The following NOTCH2 variants were observed in gnomAD, a reference collection of about 807,000 sequenced individuals.
NOTCH2 encodes the protein neurogenic locus notch homolog protein 2.
NOTCH2 carries 29 observed loss-of-function variants against 235.8 expected under a neutral mutation model. The observed-to-expected ratio is 0.12, with a 90% CI of 0.09 to 0.17. The LOEUF (loss-of-function observed/expected upper bound fraction) is 0.17. NOTCH2 is among the 10% of genes least tolerant of loss of function. NOTCH2 has a pLI of 1.00. For missense variants in NOTCH2, 2,285 were observed against 3,150.2 expected (o/e 0.73, Z 6.57); for synonymous variants, 1,086 against 1,141.5 (o/e 0.95, Z 0.98).
At chr1:119,950,650 G>T in intron 15 of NOTCH2, 74 bp downstream of exon 15, 1 of 905,796 alleles carries the variant, frequency 1.1e-6, no homozygotes. Context: ...ACAGACCTGG[G>T]CACTGAGACT....
At chr1:119,957,440 T>A (rs1650747508) in intron 12 of NOTCH2, among the ~76,000 whole-genome samples, 1 of 152,138 alleles carries the variant, frequency 6.6e-6, no homozygotes, top group African/African-American at 2.4e-5. Context: ...TAACTTAGTA[T>A]TAAAACAAAA....
intron 5 of NOTCH2, among the ~76,000 whole-genome samples, chr1:119,977,413 G>T (rs1041857847): frequency 5.3e-5 from 8 of 152,074 alleles, no homozygotes; most frequent in Non-Finnish European, 1.2e-4. Flanking sequence ...CTTCAACTAC[G>T]CCTCAAGGGC....
At position 119,916,079 on chromosome 1, in the gene NOTCH2, T is replaced by C. The variant is rs1242882244; in HGVS notation, c.6643A>G (p.Ser2215Gly). The C allele has an allele frequency of 1.2e-6, 2 of 1,613,890 alleles. No homozygotes were observed. The highest frequency in any genetic ancestry group is 1.7e-6 in the Non-Finnish European group (2 of 1,180,036). Residue 2215 changes from serine to glycine, a missense_variant, in exon 34 of 34, where the codon AGC becomes GGC. Physicochemically the swap from Ser to Gly is moderately conservative, Grantham distance 56. This residue lies in a region of NOTCH2 where 504 missense variants were observed against 538.0 expected (regional missense o/e 0.94). Coordinates refer to ENST00000256646, the MANE Select transcript of NOTCH2 (RefSeq NM_024408.4). ...TGGCTCACTGAGGGAAGCACAGTGC[T>C]GGCCCCATGTGCCAAAGGCTGCATT... ...HEMQPLAHGA[S>G]TVLPSVSQLL...
At chr1:119,936,629 G>C (rs1473106899) in intron 21 of NOTCH2, among the ~76,000 whole-genome samples, 1 of 152,150 alleles carries the variant, frequency 6.6e-6, no homozygotes, top group Non-Finnish European at 1.5e-5. Flanking sequence ...AGAAGCTATC[G>C]TTGGCTCATT....
intron 10 of NOTCH2, 139 bp from the exon 11 acceptor site, chr1:119,963,946 C>T (rs1236287972): frequency 3.9e-5 from 29 of 749,950 alleles, no homozygotes; most frequent in South Asian, 2.4e-4. Flanking sequence ...CAGTAGAAAA[C>T]GACGATCTGC....
chr1:119,916,700 G>GA lies in NOTCH2; in HGVS notation c.6028-7dup. On this transcript the variant is annotated splice_polypyrimidine_tract_variant and splice_region_variant and intron_variant, in intron 33 of 33. Transcript: ENST00000256646. Reference sequence around the variant, plus strand: ...AGAAACAGAGGTGTCTCTTCCTACAGAAAAGGCCCATCACAGAACACATGT... The same window carrying GA: ...AGAAACAGAGGTGTCTCTTCCTACAGAAAAAGGCCCATCACAGAACACATGT... The GA allele has an allele frequency of 3.7e-6, 6 of 1,614,008 alleles. No individual in the cohort carries two copies. Among genetic ancestry groups the GA allele is most frequent in the Non-Finnish European group, 5.1e-6 (6 of 1,179,980 alleles).
At chr1:119,993,278 C>CA (rs1249557381) in intron 4 of NOTCH2, 4 of 43,014 alleles carry the variant, frequency 9.3e-5, no homozygotes, top group Non-Finnish European at 1.4e-4. Flanking sequence ...GTTACTTATC[C>CA]AAAAAGATGA....
At chr1:120,027,080 T>C (rs1169866307) in intron 2 of NOTCH2, among the ~76,000 whole-genome samples, 2 of 147,310 alleles carry the variant, frequency 1.4e-5, no homozygotes, top group Non-Finnish European at 3.0e-5. Flanking sequence ...GCCTCCCGAG[T>C]AACTGGGATT....
intron 9 of NOTCH2, among the ~76,000 whole-genome samples, chr1:119,966,082 C>T (rs1236741636): frequency 2.6e-5 from 4 of 152,114 alleles, no homozygotes; most frequent in African/African-American, 7.2e-5. Flanking sequence ...AATAAAATCC[C>T]GAATAGCCTA....
intron 5 of NOTCH2, among the ~76,000 whole-genome samples, chr1:119,977,178 A>C (rs1651616284): frequency 6.6e-6 from 1 of 152,098 alleles, no homozygotes; most frequent in African/African-American, 2.4e-5. Context: ...TATCTGCTTA[A>C]GGTTCTCTTA....
At chr1:119,975,644 C>CAAA (rs11316344) in intron 5 of NOTCH2, among the ~76,000 whole-genome samples, 1 of 99,742 alleles carries the variant, frequency 1.0e-5, no homozygotes, top group Non-Finnish European at 2.1e-5. Context: ...GACTCCATCT[C>CAAA]AAAAAAAAAA....
At chr1:119,967,329 C>T (rs1553199797) in intron 8 of NOTCH2, 104 bp downstream of exon 8, 5 of 1,057,578 alleles carry the variant, frequency 4.7e-6, no homozygotes. Flanking sequence ...AAATCAAATG[C>T]TGACAGAGCT....
intron 2 of NOTCH2, among the ~76,000 whole-genome samples, chr1:120,027,258 TG>T (rs1653893872): frequency 7.2e-6 from 1 of 138,972 alleles, no homozygotes; most frequent in African/African-American, 2.7e-5. Context: ...GACCCTTAGG[TG>T]TCCTCTCCTG....
intron 9 of NOTCH2, 25 bp from the exon 10 acceptor site, chr1:119,965,591 G>C (rs782059490): frequency 1.6e-5 from 23 of 1,439,950 alleles, no homozygotes; most frequent in African/African-American, 1.1e-4. Context: ...GTGGTAACAT[G>C]AGTCAAAGGA....
rs1655684951 is a variant in NOTCH2, at chr1:120,069,551, A to C, written c.-145T>G. The C allele has an allele frequency of 7.1e-7, 1 of 1,412,858 alleles. No individual in the cohort carries two copies. The highest frequency in any genetic ancestry group is 2.9e-5 in the East Asian group (1 of 34,844). The allele number at this position is 1,412,858 out of a possible 1,614,324, so 87.5% of individuals were successfully genotyped here. A position where few individuals can be genotyped will look rare whatever the true frequency, so the allele number is the denominator to read the frequency against. ...GCCCTGGCGCTACGCTCCGAAGCCCAGGCGCAAATGCCTCGACTCCCCGCG... is the reference window on the plus strand; with the variant it reads ...GCCCTGGCGCTACGCTCCGAAGCCCCGGCGCAAATGCCTCGACTCCCCGCG... On this transcript the variant is annotated 5_prime_UTR_variant, in exon 1 of 34. Coordinates refer to ENST00000256646, the MANE Select transcript of NOTCH2 (RefSeq NM_024408.4).
intron 1 of NOTCH2, among the ~76,000 whole-genome samples, chr1:120,067,517 T>C (rs2489101): frequency 3.3e-5 from 5 of 152,188 alleles, no homozygotes; most frequent in South Asian, 2.1e-4. Context: ...ACTTTACAAT[T>C]ATATTTATTA....
intron 6 of NOTCH2, 52 bp from the exon 7 acceptor site, chr1:119,968,284 G>T (rs781942833): frequency 1.0e-5 from 16 of 1,580,966 alleles, no homozygotes; most frequent in Non-Finnish European, 1.3e-5. Context: ...TCTCACTTGG[G>T]GAAGAGCTTT....
At position 119,938,030 on chromosome 1, in the gene NOTCH2, G is replaced by A. The variant is rs782561332; in HGVS notation, c.3184-20C>T. On this transcript the variant is annotated intron_variant, in intron 19 of 33. Coordinates refer to ENST00000256646, the MANE Select transcript of NOTCH2 (RefSeq NM_024408.4). ...CAGGGTCTGAAACAGAGGCAGGGGT[G>A]TACATACATCAAAATTCAAATACTA... is the stretch of plus-strand genomic sequence containing the variant. The A allele has an allele frequency of 1.9e-6, 3 of 1,613,228 alleles. No homozygotes were observed. The highest frequency in any genetic ancestry group is 2.2e-5 in the East Asian group (1 of 44,886).
At position 119,959,659 on chromosome 1, in the gene NOTCH2, C is replaced by T. The variant is rs1209080999; in HGVS notation, c.1916-157G>A. 4.6e-5 allele frequency among the ~76,000 whole-genome samples: 7 copies of T among 152,196 alleles called. No homozygotes were observed. The East Asian group carries it at 5.8e-4, about 13-fold the overall frequency. On this transcript the variant is annotated intron_variant, in intron 11 of 33. Coordinates refer to ENST00000256646, the MANE Select transcript of NOTCH2 (RefSeq NM_024408.4). ...GTTCTCAAAATGCAGTCCACAGACT[C>T]GTTCAGGAAGATACAGGAGGTCCAA...
Sources: gnomAD v4.1 joint callset for allele counts (sites outside exome capture counted in the v4.1 genomes callset) on GRCh38, gnomAD v4.1.1 for gene constraint, gnomAD v4.1.1 regional missense constraint, MANE v1.5 for transcripts, NCBI Gene and HGNC (gene_info 2026-07-23, HGNC 2026-07-21) for gene names.